The following YBX3 variants were observed in gnomAD, a reference collection of about 807,000 sequenced individuals.
The protein encoded by YBX3 is Y-box binding protein 3.
YBX3 carries 29 observed loss-of-function variants against 42.4 expected under a neutral mutation model. The ratio of observed to expected loss-of-function variants is 0.68; its 90% CI spans 0.51 to 0.93. YBX3 has a LOEUF of 0.93. Among genes scored for constraint, YBX3 ranks in the 40% least tolerant of loss-of-function variants. The pLI is 0.00. For missense variants in YBX3, 517 were observed against 527.5 expected (o/e 0.98, Z 0.19); for synonymous variants, 195 against 189.8 (o/e 1.03, Z -0.22).
intron 6 of YBX3, among the ~76,000 whole-genome samples, chr12:10,705,472 C>A (rs1225043090): frequency 6.6e-6 from 1 of 152,198 alleles, no homozygotes; most frequent in Non-Finnish European, 1.5e-5. Flanking sequence ...TTGGTGTTCA[C>A]TAATGATTAG....
At chr12:10,708,322 T>C (rs1434709395) in intron 6 of YBX3, among the ~76,000 whole-genome samples, 3 of 152,162 alleles carry the variant, frequency 2.0e-5, no homozygotes, top group African/African-American at 7.2e-5. Flanking sequence ...ATTCCTATTT[T>C]TTTTTTCTAT....
intron 3 of YBX3, among the ~76,000 whole-genome samples, chr12:10,716,752 G>C (rs1948267231): frequency 6.6e-6 from 1 of 152,142 alleles, no homozygotes. Flanking sequence ...ACAGAGCAGA[G>C]ACCTCACCCA....
In YBX3 at chr12:10,702,919, G is replaced by T. The variant is rs575077952; in HGVS notation, c.879-785C>A. ...AGATTTATAACAAGAAAACCAAGAG[G>T]TTTACATGATAAAGTATACGGCTGA... On this transcript the variant is annotated intron_variant, in intron 7 of 9. Coordinates refer to ENST00000228251, the MANE Select transcript of YBX3 (RefSeq NM_003651.5). The T allele has an allele frequency of 2.6e-5, 4 of 152,194 alleles. No individual in the cohort carries two copies. In the East Asian group the frequency reaches 5.8e-4, roughly 22 times the overall value. 9.4% of individuals were successfully genotyped at this position (152,194 alleles called of 1,614,324 possible).
intron 6 of YBX3, 158 bp from the exon 7 acceptor site, chr12:10,704,306 A>G: frequency 1.8e-6 from 1 of 559,678 alleles, no homozygotes; most frequent in Non-Finnish European, 3.1e-6. Context: ...TTATGAGTAA[A>G]TCTTCGTGAA....
At chr12:10,705,474 A>G (rs1350959524) in intron 6 of YBX3, among the ~76,000 whole-genome samples, 2 of 152,184 alleles carry the variant, frequency 1.3e-5, no homozygotes, top group Non-Finnish European at 2.9e-5. Flanking sequence ...GGTGTTCACT[A>G]ATGATTAGAT....
At chr12:10,722,818 C>T in intron 1 of YBX3, 32 bp downstream of exon 1, 1 of 1,418,826 alleles carries the variant, frequency 7.0e-7, no homozygotes, top group East Asian at 2.8e-5. Context: ...CGCCCCACTA[C>T]GGCAGCCCCT....
At chr12:10,705,607 G>C (rs1005843072) in intron 6 of YBX3, among the ~76,000 whole-genome samples, 1 of 152,176 alleles carries the variant, frequency 6.6e-6, no homozygotes, top group Non-Finnish European at 1.5e-5. Flanking sequence ...TTGATAAGTG[G>C]TTAAGGTGGT....
intron 9 of YBX3, among the ~76,000 whole-genome samples, chr12:10,700,950 G>A (rs982782419): frequency 2.6e-5 from 4 of 152,264 alleles, no homozygotes; most frequent in Middle Eastern, 3.4e-3. Context: ...GCCTTTGTTA[G>A]GGACTTTTAG....
chr12:10,700,979 G>A (rs1948071596), intron 9 of YBX3, among the ~76,000 whole-genome samples: 1 of 152,058 alleles, frequency 6.6e-6, no homozygotes, highest in African/African-American at 2.4e-5. Context: ...TTCCTAAGTG[G>A]TACTAGTAGT....
At chr12:10,712,136 G>C (rs1948207468) in intron 5 of YBX3, 1 of 152,178 alleles carries the variant, frequency 6.6e-6, no homozygotes, top group Non-Finnish European at 1.5e-5. Context: ...AAGATATAAA[G>C]CTATCAAAAC....
rs147352006 is a variant in YBX3 at position 10,709,744 on chromosome 12, C to T, written c.780+164G>A. On this transcript the variant is annotated intron_variant, in intron 6 of 9. Transcript: ENST00000228251. ...GCTTTTAGAAGTGTTACCGGAATGA[C>T]TGCTTTGAAAAAACAGACTGAAGGC... Among the ~76,000 whole-genome samples, 387 of 152,342 alleles carry T rather than the reference C, an allele frequency of 2.5e-3. 1 individual carries two copies. Among genetic ancestry groups the T allele is most frequent in the African/African-American group, 8.7e-3 (363 of 41,566 alleles).
At position 10,718,112 on chromosome 12, in the gene YBX3, G is replaced by A. The variant is rs1948283543; in HGVS notation, c.336C>T (p.Thr112=). 6.2e-7 allele frequency: 1 copy of A among 1,611,296 alleles called. No homozygotes were observed. Among genetic ancestry groups the A allele is most frequent in the Admixed American group, 1.7e-5 (1 of 59,796 alleles). ...NGYGFINRND[T]KEDVFVHQTA... is the part of the protein sequence containing the mutation. Reference sequence around the variant, plus strand: ...CCTGATGTACAAATACATCTTCTTTGGTGTCATTTCTGTTGAAAGACAAAA... The same window carrying A: ...CCTGATGTACAAATACATCTTCTTTAGTGTCATTTCTGTTGAAAGACAAAA... Residue 112 remains threonine (T), a synonymous_variant, in exon 3 of 10, where the codon ACC becomes ACT. Transcript: ENST00000228251.
At position 10,719,098 on chromosome 12, in the gene YBX3, C is replaced by A. The variant is rs1432369529; in HGVS notation, c.308G>T (p.Gly103Val). The change falls in exon 2 of 10, where the codon GGA (glycine) becomes GTA (valine). Residue 103 changes from glycine to valine, a missense_variant. Physicochemically the swap from Gly to Val is moderately radical, Grantham distance 109. Around this residue, in one of 3 missense-constraint regions of YBX3, gnomAD observed 420 missense variants for 408.5 expected, o/e 1.03. Coordinates refer to ENST00000228251, the MANE Select transcript of YBX3 (RefSeq NM_003651.5). Reference protein sequence around the residue: ...GTVKWFNVRNGYGFINRNDTK... With the variant: ...GTVKWFNVRNVYGFINRNDTK... ...CACATACCGATTTATAAATCCATAT[C>A]CATTTCTGACGTTGAACCATTTGAC... is the stretch of plus-strand genomic sequence containing the variant. 1 of 1,613,260 alleles carries A rather than the reference C, an allele frequency of 6.2e-7. No individual in the cohort carries two copies. Among genetic ancestry groups the A allele is most frequent in the Non-Finnish European group, 8.5e-7 (1 of 1,179,666 alleles).
In YBX3 at chr12:10,711,165, T is replaced by C. The variant is rs1053353321; in HGVS notation, c.574-1051A>G. On this transcript the variant is annotated intron_variant, in intron 5 of 9. Transcript: ENST00000228251. ...CGATTCATTTTATATTTTTCTTCTA[T>C]TTAAATTATATCATATACTACCATT... The C allele has an allele frequency of 1.3e-5, 2 of 152,160 alleles. 1 individual carries two copies. The highest frequency in any genetic ancestry group is 4.1e-4 in the South Asian group (2 of 4,834). 9.4% of individuals were successfully genotyped at this position (152,160 alleles called of 1,614,324 possible).
At chr12:10,718,970 G>C in intron 2 of YBX3, 110 bp downstream of exon 2, 1 of 968,100 alleles carries the variant, frequency 1.0e-6, no homozygotes, top group South Asian at 1.5e-5. Flanking sequence ...ACAGTGCTTA[G>C]AAACCTAAAA....
chr12:10,700,876 A>G (rs1702435756), intron 9 of YBX3, among the ~76,000 whole-genome samples: 1 of 152,252 alleles, frequency 6.6e-6, no homozygotes, highest in Admixed American at 6.5e-5. Context: ...AAAATCCTTT[A>G]GTTTATTCTA....
At chr12:10,699,807 A>T (rs956721493) in intron 9 of YBX3, among the ~76,000 whole-genome samples, 153 bp from the exon 10 acceptor site, 2 of 152,232 alleles carry the variant, frequency 1.3e-5, no homozygotes, top group Admixed American at 1.3e-4. Context: ...TCTGTAAGCT[A>T]TATGTTAATT....
intron 8 of YBX3, 60 bp downstream of exon 8, chr12:10,701,900 C>T (rs1164680816): frequency 2.0e-6 from 3 of 1,533,174 alleles, no homozygotes; most frequent in Non-Finnish European, 1.8e-6. Flanking sequence ...TTTTAGAATG[C>T]TAAAGTCTGA....
chr12:10,702,654 T>C (rs947784220), intron 7 of YBX3: 7 of 152,374 alleles, frequency 4.6e-5, no homozygotes, highest in African/African-American at 1.4e-4. Flanking sequence ...TTTGAATACA[T>C]ATTTGTAAGG....
Sources: allele counts gnomAD v4.1 joint callset (sites outside exome capture counted in the v4.1 genomes callset), GRCh38; gene constraint gnomAD v4.1.1; regional missense constraint gnomAD v4.1.1; transcripts MANE v1.5; gene names NCBI Gene and HGNC (gene_info 2026-07-23, HGNC 2026-07-21).